Variants in GAP43 observed in about 807,000 individuals in gnomAD.
The protein encoded by GAP43 is neuromodulin.
In GAP43, 6 loss-of-function variants were observed where a neutral mutation model predicts 18.6. The observed-to-expected ratio is 0.32, with a 90% CI of 0.18 to 0.64. GAP43 has a LOEUF of 0.64. Ranked by LOEUF, GAP43 falls within the 30% of genes least tolerant of loss-of-function variation. The pLI is 0.78. For synonymous variants in GAP43, 115 were observed against 111.4 expected, an observed-to-expected ratio of 1.03 and a Z score of -0.20; for missense variants, 292 against 295.5, an observed-to-expected ratio of 0.99 and a Z score of 0.09.
Position 115,623,591 on chromosome 3 carries a change from A to G in GAP43, c.-99A>G. Reference sequence around the variant, plus strand: ...GAGAGCGCGCTAGCGCGAGAGAGCGAGTGAGCAAGCGAGCAGAAAAGAGGT... The same window carrying G: ...GAGAGCGCGCTAGCGCGAGAGAGCGGGTGAGCAAGCGAGCAGAAAAGAGGT... On this transcript the variant is annotated 5_prime_UTR_variant, in exon 1 of 3. Transcript: ENST00000305124. The G allele has an allele frequency of 6.0e-6, 9 of 1,488,910 alleles. No individual in the cohort carries two copies. Among genetic ancestry groups the G allele is most frequent in the Non-Finnish European group, 7.5e-6 (8 of 1,072,420 alleles). The allele number at this position is 1,488,910 out of a possible 1,614,324, so 92.2% of individuals were successfully genotyped here.
chr3:115,714,279 CTCTTTT>C (rs1484681014), intron 2 of GAP43, among the ~76,000 whole-genome samples: 2 of 152,168 alleles, frequency 1.3e-5, no homozygotes, highest in African/African-American at 4.8e-5. Context: ...TGTTAACTTT[CTCTTTT>C]TAAGTTAACA....
Position 115,671,646 on chromosome 3 carries a change from G to A in GAP43, c.31-4367G>A, listed in dbSNP as rs572170138. On this transcript the variant is annotated intron_variant, in intron 1 of 2. Coordinates refer to ENST00000305124, the MANE Select transcript of GAP43 (RefSeq NM_002045.4). ...CTGGAATGTCCTCTTTACTTAATTC[G>A]CAGATATCAACAATTCTGTGTAAAA... Among the ~76,000 whole-genome samples the A allele has an allele frequency of 2.5e-4, 38 of 152,212 alleles. 1 individual carries two copies. The highest frequency in any genetic ancestry group is 9.6e-4 in the East Asian group (5 of 5,188).
At chr3:115,704,257 T>C (rs114070387) in intron 2 of GAP43, among the ~76,000 whole-genome samples, 2,162 of 152,216 alleles carry the variant, frequency 0.014, 27 homozygotes, top group Non-Finnish European at 0.022. Context: ...AGGAATTATC[T>C]ACACTTTTAT....
At chr3:115,649,810 T>TA (rs759106999) in intron 1 of GAP43, among the ~76,000 whole-genome samples, 135 of 94,584 alleles carry the variant, frequency 1.4e-3, no homozygotes, top group South Asian at 7.4e-3. Flanking sequence ...ACCCTGTCTC[T>TA]AAAAAAAAAA....
At chr3:115,672,351 G>A (rs901934797) in intron 1 of GAP43, among the ~76,000 whole-genome samples, 2 of 152,074 alleles carry the variant, frequency 1.3e-5, no homozygotes, top group African/African-American at 4.8e-5. Flanking sequence ...TATTTCTAGT[G>A]GGGAAAGGGT....
intron 1 of GAP43, among the ~76,000 whole-genome samples, chr3:115,655,190 G>C (rs978308794): frequency 2.0e-5 from 3 of 152,110 alleles, no homozygotes. Flanking sequence ...GCATCAAGGT[G>C]GTCAAATTTT....
chr3:115,676,325 G>A lies in GAP43; in HGVS notation c.343G>A (p.Glu115Lys). The A allele has an allele frequency of 6.2e-7, 1 of 1,614,134 alleles. No homozygotes were observed. The highest frequency in any genetic ancestry group is 8.5e-7 in the Non-Finnish European group (1 of 1,180,020). The change falls in exon 2 of 3, where the codon GAG becomes AAG. Residue 115 changes from glutamate (E) to lysine (K), a missense_variant. Coordinates refer to ENST00000305124, the MANE Select transcript of GAP43 (RefSeq NM_002045.4). Reference protein sequence around the residue: ...GETPSEEKKGEGDAATEQAAP... With the variant: ...GETPSEEKKGKGDAATEQAAP... ...AACTCCTTCCGAGGAGAAGAAGGGG[G>A]AGGGTGATGCTGCCACAGAGCAGGC...
intron 1 of GAP43, among the ~76,000 whole-genome samples, chr3:115,664,816 A>T (rs760010358): frequency 1.1e-4 from 17 of 152,198 alleles, no homozygotes; most frequent in Non-Finnish European, 2.5e-4. Context: ...TGGGGACAGA[A>T]ATCTAATTAA....
intron 2 of GAP43, among the ~76,000 whole-genome samples, chr3:115,717,012 A>G (rs1559809263): frequency 6.6e-6 from 1 of 151,962 alleles, no homozygotes; most frequent in Non-Finnish European, 1.5e-5. Flanking sequence ...GGAAAAACTG[A>G]ACAAATAGAC....
At position 115,633,511 on chromosome 3, in the gene GAP43, G is replaced by A. The variant is rs147806089; in HGVS notation, c.30+9792G>A. 7.7e-4 allele frequency among the ~76,000 whole-genome samples: 117 copies of A among 152,208 alleles called. 3 individuals carry two copies. The East Asian group carries it at 0.019, about 25-fold the overall frequency. ...GAAGGAACTTATCTCAAGTGTGGTG[G>A]ACTATTCATTTTTCCTTTTGGTTAT... On this transcript the variant is annotated intron_variant, in intron 1 of 2. Coordinates refer to ENST00000305124, the MANE Select transcript of GAP43 (RefSeq NM_002045.4).
intron 1 of GAP43, among the ~76,000 whole-genome samples, chr3:115,645,163 T>A (rs1708442991): frequency 6.6e-6 from 1 of 152,036 alleles, no homozygotes; most frequent in Non-Finnish European, 1.5e-5. Flanking sequence ...CTTTATTTAG[T>A]CCCACTATAA....
chr3:115,633,037 G>A (rs72961636), intron 1 of GAP43, among the ~76,000 whole-genome samples: 1,606 of 151,536 alleles, frequency 0.011, 30 homozygotes, highest in African/African-American at 0.036. Context: ...AAAAAGCAGC[G>A]ATCATATGAA....
chr3:115,676,352 G>C lies in GAP43; in HGVS notation c.370G>C (p.Ala124Pro), dbSNP rs541846562. The change falls in exon 2 of 3, where the codon GCC (alanine) becomes CCC (proline). Residue 124 changes from alanine to proline, a missense_variant. Physicochemically the swap from Ala to Pro is conservative, Grantham distance 27 (BLOSUM62 -1). Coordinates refer to ENST00000305124, the MANE Select transcript of GAP43 (RefSeq NM_002045.4). ...GEGDAATEQA[A>P]PQAPASSEEK... is the part of the protein sequence containing the mutation. ...GGGTGATGCTGCCACAGAGCAGGCA[G>C]CCCCCCAGGCTCCTGCATCCTCAGA... 1 of 1,614,102 alleles carries C rather than the reference G, an allele frequency of 6.2e-7. No homozygotes were observed. Among genetic ancestry groups the C allele is most frequent in the Non-Finnish European group, 8.5e-7 (1 of 1,179,984 alleles).
chr3:115,669,995 T>A (rs370137068), intron 1 of GAP43, among the ~76,000 whole-genome samples: 4,977 of 113,728 alleles, frequency 0.044, 107 homozygotes, highest in Middle Eastern at 0.13. Flanking sequence ...ATTTTTTTTT[T>A]AATTTTTTTT....
rs1179434654 is a variant in GAP43, at chr3:115,652,868, T to A, written c.31-23145T>A. 3.3e-5 allele frequency among the ~76,000 whole-genome samples: 5 copies of A among 152,208 alleles called. No homozygotes were observed. In the East Asian group the frequency reaches 9.7e-4, roughly 29 times the overall value. ...TTGAGACAAAATAGTAGCTACTAAA[T>A]GTACTGACAGGAGAATTTCTGTAAC... On this transcript the variant is annotated intron_variant, in intron 1 of 2. Coordinates refer to ENST00000305124, the MANE Select transcript of GAP43 (RefSeq NM_002045.4).
In GAP43 at chr3:115,668,864, T is replaced by A. The variant is rs1708768391; in HGVS notation, c.31-7149T>A. 2.0e-5 allele frequency among the ~76,000 whole-genome samples: 3 copies of A among 151,896 alleles called. No homozygotes were observed. In the South Asian group the frequency reaches 6.3e-4, roughly 32 times the overall value. On this transcript the variant is annotated intron_variant, in intron 1 of 2. Transcript: ENST00000305124. The stretch of plus-strand genomic sequence containing the variant: ...GACCAGCCTGGGTAATATGGTGAAA[T>A]GTTGTCCATCTCTACAAAAAATATA...
intron 1 of GAP43, among the ~76,000 whole-genome samples, chr3:115,638,582 T>C (rs1204262114): frequency 2.0e-5 from 3 of 151,848 alleles, no homozygotes; most frequent in Admixed American, 2.0e-4. Flanking sequence ...CTTTTCAATA[T>C]TCTGGTCACT....
chr3:115,669,314 A>C (rs1168160617), intron 1 of GAP43, among the ~76,000 whole-genome samples: 1 of 152,156 alleles, frequency 6.6e-6, no homozygotes, highest in African/African-American at 2.4e-5. Flanking sequence ...GAATTCCACC[A>C]CTGAGAAGTG....
chr3:115,693,475 A>C (rs1709140851), intron 2 of GAP43, among the ~76,000 whole-genome samples: 1 of 149,406 alleles, frequency 6.7e-6, no homozygotes, highest in Admixed American at 6.8e-5. Context: ...ACCATTTAAA[A>C]AAATCCTGTT....
Sources: allele counts gnomAD v4.1 joint callset (sites outside exome capture counted in the v4.1 genomes callset), GRCh38; gene constraint gnomAD v4.1.1; transcripts MANE v1.5; gene names NCBI Gene and HGNC (gene_info 2026-07-23, HGNC 2026-07-21).